The following SRGAP3 variants were observed in gnomAD, a reference collection of about 807,000 sequenced individuals.
SRGAP3 encodes the protein SLIT-ROBO Rho GTPase activating protein 3.
Under a neutral mutation model 121.1 loss-of-function variants are expected in SRGAP3, and 39 were observed. The ratio of observed to expected loss-of-function variants is 0.32; its 90% CI spans 0.25 to 0.42. The LOEUF is 0.42. Ranked by LOEUF, SRGAP3 falls within the 10% of genes least tolerant of loss-of-function variation. SRGAP3 has a pLI of 1.00. For missense variants in SRGAP3, 1,213 were observed against 1,470.6 expected (o/e 0.82, Z 2.86); for synonymous variants, 601 against 570.0 (o/e 1.05, Z -0.77).
intron 14 of SRGAP3, among the ~76,000 whole-genome samples, chr3:9,017,398 T>C (rs1943691753): frequency 6.6e-6 from 1 of 152,244 alleles, no homozygotes; most frequent in African/African-American, 2.4e-5. Flanking sequence ...ACACAATCAA[T>C]GGTGTAACAG....
chr3:9,096,531 G>A (rs1947974884), intron 3 of SRGAP3, among the ~76,000 whole-genome samples: 2 of 152,142 alleles, frequency 1.3e-5, no homozygotes, highest in South Asian at 4.1e-4. Context: ...TTATCAGGCG[G>A]AGTTCCTATT....
chr3:9,303,361 G>A (rs181017511), intron 3 of SRGAP3, among the ~76,000 whole-genome samples: 1 of 151,326 alleles, frequency 6.6e-6, no homozygotes, highest in Non-Finnish European at 1.5e-5. Flanking sequence ...GGAGGTGGAG[G>A]TTGCAGCAAG....
At chr3:9,310,635 A>G (rs11707847) in intron 3 of SRGAP3, among the ~76,000 whole-genome samples, 55,097 of 152,054 alleles carry the variant, frequency 0.36, 12,401 homozygotes, top group African/African-American at 0.65. Flanking sequence ...TAACCAGTTG[A>G]TACCTCAAGA....
At chr3:9,204,814 T>G (rs2125165641) in intron 1 of SRGAP3, among the ~76,000 whole-genome samples, 1 of 152,366 alleles carries the variant, frequency 6.6e-6, no homozygotes, top group East Asian at 1.9e-4. Flanking sequence ...AGAAATCTAT[T>G]GTCGCTGGGG....
chr3:9,014,030 G>GA lies in SRGAP3; in HGVS notation c.1814-189_1814-188insT, dbSNP rs916578962. ...TCCATCTCCCTAGCTACAGGGAGGG[G>GA]CTGGAGGTGTGGCCTAATCAAGAAC... is the stretch of plus-strand genomic sequence containing the variant. On this transcript the variant is annotated intron_variant, in intron 15 of 21. Coordinates refer to ENST00000383836, the MANE Select transcript of SRGAP3 (RefSeq NM_014850.4). 9.0e-6 allele frequency: 6 copies of GA among 663,480 alleles called. No homozygotes were observed. The African/African-American group carries it at 1.1e-4, about 12-fold the overall frequency. The allele number at this position is 663,480 out of a possible 1,614,324, so 41.1% of individuals were successfully genotyped here. A position where few individuals can be genotyped will look rare whatever the true frequency, so the allele number is the denominator to read the frequency against.
intron 1 of SRGAP3, among the ~76,000 whole-genome samples, chr3:9,214,117 AACACAC>A (rs34152705): frequency 1.3e-4 from 18 of 133,800 alleles, no homozygotes; most frequent in African/African-American, 3.6e-4. Flanking sequence ...ACCCACCTCC[AACACAC>A]ACACACACAC....
chr3:9,320,197 T>C (rs560931423), intron 3 of SRGAP3, among the ~76,000 whole-genome samples: 15 of 151,956 alleles, frequency 9.9e-5, no homozygotes, highest in African/African-American at 3.4e-4. Context: ...GGCATGTCCA[T>C]CCGGACCATC....
chr3:9,087,461 A>G (rs1180505080), intron 3 of SRGAP3, among the ~76,000 whole-genome samples: 1 of 152,166 alleles, frequency 6.6e-6, no homozygotes, highest in Non-Finnish European at 1.5e-5. Context: ...CACAATTCTA[A>G]GGCAGGAGGC....
intron 1 of SRGAP3, among the ~76,000 whole-genome samples, chr3:9,345,711 G>A (rs553341371): frequency 6.3e-4 from 93 of 147,296 alleles, no homozygotes; most frequent in Non-Finnish European, 1.2e-3. Flanking sequence ...ACTTGAACAC[G>A]GGAGATGGAG....
intron 3 of SRGAP3, 76 bp downstream of exon 3, chr3:9,104,604 C>T: frequency 6.3e-7 from 1 of 1,589,114 alleles, no homozygotes; most frequent in East Asian, 2.2e-5. Flanking sequence ...CCACATCCCA[C>T]CCTGGCTGGT....
chr3:9,077,706 C>T (rs1332172026), intron 4 of SRGAP3, among the ~76,000 whole-genome samples: 1 of 152,262 alleles, frequency 6.6e-6, no homozygotes, highest in African/African-American at 2.4e-5. Context: ...GCAGCCAGCA[C>T]AGGGAGGTGT....
chr3:9,180,499 G>A (rs761795609), intron 1 of SRGAP3, among the ~76,000 whole-genome samples: 15 of 152,172 alleles, frequency 9.9e-5, no homozygotes, highest in Non-Finnish European at 1.9e-4. Context: ...AGATGAACTC[G>A]GGGAGCAGGG....
intron 14 of SRGAP3, among the ~76,000 whole-genome samples, chr3:9,019,666 T>A (rs943060333): frequency 6.6e-6 from 1 of 152,228 alleles, no homozygotes; most frequent in Non-Finnish European, 1.5e-5. Context: ...TGAATACATG[T>A]CACTGCCAGA....
chr3:9,025,713 C>CT (rs916217828), intron 13 of SRGAP3, among the ~76,000 whole-genome samples: 11 of 152,078 alleles, frequency 7.2e-5, no homozygotes, highest in South Asian at 6.2e-4. Context: ...AAAACTATCC[C>CT]TTTTTTTTAC....
Position 9,224,160 on chromosome 3 carries a change from G to A in SRGAP3, c.67+24725C>T, listed in dbSNP as rs995639466. Among the ~76,000 whole-genome samples, 7 of 152,084 alleles carry A rather than the reference G, an allele frequency of 4.6e-5. 1 individual carries two copies. Among genetic ancestry groups the A allele is most frequent in the South Asian group, 4.1e-4 (2 of 4,820 alleles). On this transcript the variant is annotated intron_variant, in intron 1 of 21. Coordinates refer to ENST00000383836, the MANE Select transcript of SRGAP3 (RefSeq NM_014850.4). ...ATACCTACAGCAACAGTCAGGTTTC[G>A]TCACCGAGTGCTACCCAAGCCAAGT... is the stretch of plus-strand genomic sequence containing the variant.
chr3:9,336,831 T>C (rs543824762), intron 1 of SRGAP3, among the ~76,000 whole-genome samples: 1 of 152,258 alleles, frequency 6.6e-6, no homozygotes, highest in Non-Finnish European at 1.5e-5. Context: ...ACAGAACCAA[T>C]AAAATGGAGA....
intron 20 of SRGAP3, among the ~76,000 whole-genome samples, chr3:8,992,352 T>G (rs1274478908): frequency 6.6e-6 from 1 of 152,218 alleles, no homozygotes; most frequent in Non-Finnish European, 1.5e-5. Flanking sequence ...CAGAAGGACA[T>G]GCACAGCTCC....
chr3:9,005,766 G>C (rs917408685), intron 18 of SRGAP3, among the ~76,000 whole-genome samples: 14 of 152,140 alleles, frequency 9.2e-5, no homozygotes, highest in African/African-American at 1.4e-4. Flanking sequence ...AGAAATGTGG[G>C]GGGTAGGGAT....
intron 2 of SRGAP3, among the ~76,000 whole-genome samples, chr3:9,111,475 C>T (rs1290469551): frequency 6.6e-6 from 1 of 152,216 alleles, no homozygotes; most frequent in Non-Finnish European, 1.5e-5. Flanking sequence ...AAGTAAAGAA[C>T]AGCCTGGCTG....
Sources: allele counts gnomAD v4.1 joint callset (sites outside exome capture counted in the v4.1 genomes callset), GRCh38; gene constraint gnomAD v4.1.1; transcripts MANE v1.5; gene names NCBI Gene and HGNC (gene_info 2026-07-23, HGNC 2026-07-21).